CAMK1D: variants seen among roughly 807,000 people sequenced by gnomAD.
The protein encoded by CAMK1D is calcium/calmodulin dependent protein kinase ID.
A neutral mutation model predicts 47.7 loss-of-function variants in CAMK1D; 9 were observed. The observed-to-expected ratio is 0.19, with a 90% CI of 0.11 to 0.33. CAMK1D has a LOEUF of 0.33. Among genes scored for constraint, CAMK1D ranks in the 10% least tolerant of loss-of-function variants. The pLI is 1.00. For missense variants in CAMK1D, 291 were observed against 488.7 expected, an observed-to-expected ratio of 0.60 and a Z score of 3.81; for synonymous variants, 184 against 184.9, an observed-to-expected ratio of 0.99 and a Z score of 0.04.
chr10:12,483,581 C>T (rs1380198612), intron 1 of CAMK1D, among the ~76,000 whole-genome samples: 2 of 152,138 alleles, frequency 1.3e-5, no homozygotes, highest in East Asian at 3.8e-4. Context: ...TTAGGGTCAT[C>T]TCAAACTCCT....
chr10:12,748,542 C>T (rs1835786807), intron 3 of CAMK1D, among the ~76,000 whole-genome samples: 1 of 152,120 alleles, frequency 6.6e-6, no homozygotes, highest in African/African-American at 2.4e-5. Context: ...TGAATAAAAA[C>T]ACTGGGAGCT....
chr10:12,376,863 C>T (rs778793926), intron 1 of CAMK1D, among the ~76,000 whole-genome samples: 15 of 151,784 alleles, frequency 9.9e-5, no homozygotes, highest in African/African-American at 2.9e-4. Context: ...TAGGTTCAAG[C>T]GATTCTCCTG....
chr10:12,700,188 T>G (rs1198414617), intron 3 of CAMK1D, among the ~76,000 whole-genome samples: 2 of 152,188 alleles, frequency 1.3e-5, no homozygotes, highest in Non-Finnish European at 2.9e-5. Flanking sequence ...GATTAGTCCA[T>G]TCTCATGCTG....
chr10:12,724,573 T>C (rs777099973), intron 3 of CAMK1D, among the ~76,000 whole-genome samples: 12 of 152,228 alleles, frequency 7.9e-5, no homozygotes, highest in Non-Finnish European at 1.5e-4. Flanking sequence ...AAATCCACTT[T>C]AAAGAAAGCA....
chr10:12,686,250 A>G (rs1323358217), intron 3 of CAMK1D, among the ~76,000 whole-genome samples: 1 of 152,178 alleles, frequency 6.6e-6, no homozygotes, highest in Non-Finnish European at 1.5e-5. Context: ...TTGATATGGA[A>G]CGATTGCGAA....
intron 10 of CAMK1D, among the ~76,000 whole-genome samples, chr10:12,827,334 T>TCTTTCTTCCTTC: frequency 8.1e-6 from 1 of 122,782 alleles, no homozygotes; most frequent in East Asian, 2.4e-4. Flanking sequence ...CTCTCTCTTC[T>TCTTTCTTCCTTC]CTTCCTTCCT....
At chr10:12,433,066 G>A (rs1030484586) in intron 1 of CAMK1D, among the ~76,000 whole-genome samples, 5 of 152,178 alleles carry the variant, frequency 3.3e-5, no homozygotes, top group South Asian at 2.1e-4. Context: ...AGCAGGTGGG[G>A]CGTGAATTAC....
chr10:12,457,312 A>G (rs909246112), intron 1 of CAMK1D, among the ~76,000 whole-genome samples: 1 of 150,814 alleles, frequency 6.6e-6, no homozygotes, highest in Non-Finnish European at 1.5e-5. Context: ...AATCGCTTGA[A>G]CCCAGAGGGT....
At chr10:12,677,705 A>G (rs1362602169) in intron 3 of CAMK1D, among the ~76,000 whole-genome samples, 4 of 152,096 alleles carry the variant, frequency 2.6e-5, no homozygotes, top group Non-Finnish European at 4.4e-5. Flanking sequence ...GGCTCAGTCT[A>G]TGAGGGGCTT....
intron 5 of CAMK1D, among the ~76,000 whole-genome samples, chr10:12,777,126 A>G (rs1279879151): frequency 2.0e-5 from 3 of 152,132 alleles, no homozygotes; most frequent in Non-Finnish European, 2.9e-5. Flanking sequence ...GGGATAGGCA[A>G]TGAAGGAGAG....
At chr10:12,703,907 G>A (rs1337157734) in intron 3 of CAMK1D, among the ~76,000 whole-genome samples, 1 of 151,566 alleles carries the variant, frequency 6.6e-6, no homozygotes, top group East Asian at 1.9e-4. Context: ...TTCAATAAAG[G>A]AGAAATGAAA....
At chr10:12,474,574 G>T (rs553987789) in intron 1 of CAMK1D, among the ~76,000 whole-genome samples, 1 of 152,110 alleles carries the variant, frequency 6.6e-6, no homozygotes, top group South Asian at 2.1e-4. Context: ...CCATTTATTT[G>T]AGGTAGATAT....
chr10:12,629,539 C>T (rs537038857), intron 2 of CAMK1D, among the ~76,000 whole-genome samples: 13 of 152,184 alleles, frequency 8.5e-5, no homozygotes, highest in Admixed American at 2.0e-4. Context: ...AGTTAGAGGC[C>T]GTGGTGTGGC....
intron 1 of CAMK1D, among the ~76,000 whole-genome samples, chr10:12,354,772 G>C (rs1322539123): frequency 1.3e-5 from 2 of 151,790 alleles, no homozygotes; most frequent in African/African-American, 4.8e-5. Flanking sequence ...TGTAAGGAGG[G>C]CACTTGCTTT....
chr10:12,475,145 G>A (rs890933777), intron 1 of CAMK1D, among the ~76,000 whole-genome samples: 7 of 152,112 alleles, frequency 4.6e-5, no homozygotes, highest in African/African-American at 1.7e-4. Flanking sequence ...CGAATTCATT[G>A]TAATCATCTT....
intron 5 of CAMK1D, among the ~76,000 whole-genome samples, chr10:12,786,963 A>G (rs1271919879): frequency 6.6e-6 from 1 of 152,160 alleles, no homozygotes; most frequent in Non-Finnish European, 1.5e-5. Context: ...TCTCTACTAA[A>G]AATACAAAAA....
intron 2 of CAMK1D, among the ~76,000 whole-genome samples, chr10:12,612,889 G>A (rs4423094): frequency 0.22 from 33,693 of 151,976 alleles, 4,174 homozygotes; most frequent in South Asian, 0.35. Flanking sequence ...CTTGGCACGT[G>A]GTCTTGTAAA....
chr10:12,570,352 A>AT (rs1034849402), intron 2 of CAMK1D, among the ~76,000 whole-genome samples: 4 of 151,516 alleles, frequency 2.6e-5, no homozygotes, highest in African/African-American at 9.7e-5. Context: ...GATGCCGTTA[A>AT]TTTTTTTTTC....
At chr10:12,470,387 A>G (rs1342261172) in intron 1 of CAMK1D, among the ~76,000 whole-genome samples, 2 of 152,100 alleles carry the variant, frequency 1.3e-5, no homozygotes, top group Admixed American at 6.5e-5. Flanking sequence ...AGTCAACACA[A>G]TTGCTTTTGT....
Sources: allele counts gnomAD v4.1 joint callset (sites outside exome capture counted in the v4.1 genomes callset), GRCh38; gene constraint gnomAD v4.1.1; transcripts MANE v1.5; gene names NCBI Gene and HGNC (gene_info 2026-07-23, HGNC 2026-07-21).